NEMP2: variants seen among roughly 807,000 people sequenced by gnomAD.
The protein encoded by NEMP2 is nuclear envelope integral membrane protein 2.
NEMP2 carries 53 observed loss-of-function variants against 54.2 expected under a neutral mutation model. The ratio of observed to expected loss-of-function variants is 0.98; its 90% CI spans 0.78 to 1.23. The LOEUF (loss-of-function observed/expected upper bound fraction) is 1.23. Among genes scored for constraint, NEMP2 ranks in the 50% most tolerant of loss-of-function variants. NEMP2 has a pLI of 0.00. For synonymous variants in NEMP2, 197 were observed against 190.3 expected (o/e 1.04, Z -0.29); for missense variants, 455 against 511.3 (o/e 0.89, Z 1.06).
rs138006921 is a variant in NEMP2, at chr2:190,515,720, G to T, written c.727+550C>A. On this transcript the variant is annotated intron_variant, in intron 6 of 8. Transcript: ENST00000409150. ...CTTATGTGAGAAATTTGGTGCTAAA[G>T]GTTAGGAGAAAATTGATTCTCTCAT... Among the ~76,000 whole-genome samples the T allele has an allele frequency of 6.8e-3, 1,030 of 152,288 alleles. 6 individuals carry two copies. The highest frequency in any genetic ancestry group is 0.023 in the African/African-American group (958 of 41,564).
the NEMP2 span, among the ~76,000 whole-genome samples, chr2:190,613,004 T>A: frequency 1.3e-5 from 2 of 152,188 alleles, no homozygotes; most frequent in African/African-American, 4.8e-5. Context: ...CCCATTACAT[T>A]TATCTAATTA....
the NEMP2 span, among the ~76,000 whole-genome samples, chr2:190,471,254 G>A: frequency 2.6e-5 from 4 of 152,170 alleles, no homozygotes; most frequent in South Asian, 4.1e-4. This position sits in a 1 kb window ranked among gnomAD's most constrained non-coding sequence, Gnocchi z 4.7. Context: ...CAGGATAGTG[G>A]GTGCAGCGCG....
At chr2:190,647,916 G>T in the NEMP2 span, among the ~76,000 whole-genome samples, 1 of 151,938 alleles carries the variant, frequency 6.6e-6, no homozygotes, top group Non-Finnish European at 1.5e-5. Context: ...ATTTCACCAC[G>T]TTAGCCAGGC....
intron 1 of NEMP2, chr2:190,534,285 T>A (rs1326788905): frequency 8.6e-7 from 1 of 1,163,916 alleles, no homozygotes; most frequent in Non-Finnish European, 1.1e-6. Flanking sequence ...TTCGGTTGCT[T>A]CTGTAAAACG....
chr2:190,438,421 C>T, the NEMP2 span, among the ~76,000 whole-genome samples: 2 of 152,264 alleles, frequency 1.3e-5, no homozygotes, highest in African/African-American at 4.8e-5. The surrounding 1 kb of genome is among the most constrained non-coding windows in gnomAD (Gnocchi z 5.2). Flanking sequence ...GAGGCTGACG[C>T]ACAAGAATCA....
At chr2:190,517,752 A>G in intron 4 of NEMP2, 139 bp from the exon 5 acceptor site, 1 of 651,074 alleles carries the variant, frequency 1.5e-6, no homozygotes, top group East Asian at 3.0e-5. Context: ...TACATCCTAT[A>G]CTCTTAAAAA....
the NEMP2 span, among the ~76,000 whole-genome samples, chr2:190,558,332 G>A: frequency 6.6e-6 from 1 of 152,132 alleles, no homozygotes; most frequent in African/African-American, 2.4e-5. The surrounding 1 kb of genome is among the most constrained non-coding windows in gnomAD (Gnocchi z 4.4). Flanking sequence ...GGGGTTAGGG[G>A]CTAGGGGAGG....
At chr2:190,642,212 T>G in the NEMP2 span, among the ~76,000 whole-genome samples, 144,121 of 152,218 alleles carry the variant, frequency 0.95, 68,352 homozygotes, top group Non-Finnish European at 0.98. This position sits in a 1 kb window ranked among gnomAD's most constrained non-coding sequence, Gnocchi z 4.1. Context: ...GGGTTTTTTT[T>G]TTGTTGTTGT....
the NEMP2 span, among the ~76,000 whole-genome samples, chr2:190,475,293 C>T: frequency 1.3e-5 from 2 of 152,204 alleles, no homozygotes; most frequent in African/African-American, 4.8e-5. Context: ...TTGCAGATGA[C>T]ATGATTGTAT....
At position 190,517,575 on chromosome 2, in the gene NEMP2, C is replaced by G. The variant is rs182544907; in HGVS notation, c.557G>C (p.Gly186Ala). Residue 186 changes from glycine to alanine, a missense_variant, in exon 5 of 9, where the codon GGT becomes GCT. By Grantham distance (60) the Gly-to-Ala change is moderately conservative. This residue lies in a region of NEMP2 where 294 missense variants were observed against 333.6 expected (regional missense o/e 0.88). Coordinates refer to ENST00000409150, the MANE Select transcript of NEMP2 (RefSeq NM_001142645.2). ...TFYYSSGTVL[G>A]VLMTLVFVLL... Reference sequence around the variant, plus strand: ...GACAAAGACTAATGTCATTAGAACACCTAGCACAGTTCCCGAGGAGTAATA... The same window carrying G: ...GACAAAGACTAATGTCATTAGAACAGCTAGCACAGTTCCCGAGGAGTAATA... 68 of 1,550,878 alleles carry G rather than the reference C, an allele frequency of 4.4e-5. No individual in the cohort carries two copies. Among genetic ancestry groups the G allele is most frequent in the Admixed American group, 5.9e-5 (3 of 50,778 alleles).
At chr2:190,443,743 T>C in the NEMP2 span, among the ~76,000 whole-genome samples, 5 of 152,338 alleles carry the variant, frequency 3.3e-5, no homozygotes, top group African/African-American at 1.2e-4. This position sits in a 1 kb window ranked among gnomAD's most constrained non-coding sequence, Gnocchi z 4.2. Flanking sequence ...TTTGCTCTTA[T>C]AAACAAAGGT....
the NEMP2 span, among the ~76,000 whole-genome samples, chr2:190,639,407 CAAGTGGATAAA>C: frequency 9.6e-6 from 1 of 104,176 alleles, no homozygotes; most frequent in Non-Finnish European, 2.3e-5. Context: ...CCTCTGCAAA[CAAGTGGATAAA>C]AACAATTTTG....
At chr2:190,624,106 G>A in the NEMP2 span, among the ~76,000 whole-genome samples, 1 of 152,080 alleles carries the variant, frequency 6.6e-6, no homozygotes, top group East Asian at 1.9e-4. Flanking sequence ...AACATAGTGA[G>A]ACCCTATCTC....
At chr2:190,626,211 C>T in the NEMP2 span, 1 of 152,152 alleles carries the variant, frequency 6.6e-6, no homozygotes, top group South Asian at 2.1e-4. This position sits in a 1 kb window ranked among gnomAD's most constrained non-coding sequence, Gnocchi z 4.5. Context: ...AAAGCCACAC[C>T]TCCCAATGCA....
chr2:190,597,010 C>A, the NEMP2 span, among the ~76,000 whole-genome samples: 1 of 151,900 alleles, frequency 6.6e-6, no homozygotes, highest in Non-Finnish European at 1.5e-5. The surrounding 1 kb of genome is among the most constrained non-coding windows in gnomAD (Gnocchi z 4.7). Flanking sequence ...CACGTGTATC[C>A]CAGCACTTTG....
At chr2:190,449,938 A>G in the NEMP2 span, among the ~76,000 whole-genome samples, 1 of 152,074 alleles carries the variant, frequency 6.6e-6, no homozygotes, top group Non-Finnish European at 1.5e-5. Context: ...TGGGTGCAGC[A>G]CACCAGCATG....
At chr2:190,482,868 CTTTTTTTTTTTTT>C in the NEMP2 span, among the ~76,000 whole-genome samples, 36 of 48,290 alleles carry the variant, frequency 7.5e-4, no homozygotes, top group African/African-American at 1.9e-3. Flanking sequence ...AGACTATCAT[CTTTTTTTTTTTTT>C]TTTTTTTTTT....
the NEMP2 span, among the ~76,000 whole-genome samples, chr2:190,596,900 A>C: frequency 6.6e-6 from 1 of 152,196 alleles, no homozygotes; most frequent in Non-Finnish European, 1.5e-5. This position sits in a 1 kb window ranked among gnomAD's most constrained non-coding sequence, Gnocchi z 5.1. Flanking sequence ...TATATTTGGC[A>C]TCAAGTCACT....
At chr2:190,518,667 G>A in intron 4 of NEMP2, 69 bp downstream of exon 4, 1 of 1,240,028 alleles carries the variant, frequency 8.1e-7, no homozygotes, top group Non-Finnish European at 1.1e-6. Flanking sequence ...AAAATACTTA[G>A]CATGTGGTCA....
Sources: gnomAD v4.1 joint callset for allele counts (sites outside exome capture counted in the v4.1 genomes callset) on GRCh38, gnomAD v4.1.1 for gene constraint, gnomAD v4.1.1 regional missense constraint, Gnocchi (gnomAD v3.1) non-coding constraint, MANE v1.5 for transcripts, NCBI Gene and HGNC (gene_info 2026-07-23, HGNC 2026-07-21) for gene names.